PGM3: variants seen among roughly 807,000 people sequenced by gnomAD.
PGM3 encodes the protein phosphoglucomutase 3, also known as phosphoacetylglucosamine mutase.
Under a neutral mutation model 66.2 loss-of-function variants are expected in PGM3, and 40 were observed. The ratio of observed to expected loss-of-function variants is 0.60; its 90% confidence interval spans 0.47 to 0.79. The LOEUF (loss-of-function observed/expected upper bound fraction) is 0.79. Ranked by LOEUF, PGM3 falls within the 30% of genes least tolerant of loss-of-function variation. The pLI is 0.00. For synonymous variants in PGM3, 191 were observed against 224.2 expected (o/e 0.85, Z 1.32); for missense variants, 537 against 643.4 (o/e 0.83, Z 1.79).
intron 6 of PGM3, among the ~76,000 whole-genome samples, 175 bp from the exon 7 acceptor site, chr6:83,180,142 G>A (rs1465667540): frequency 1.3e-5 from 2 of 152,072 alleles, no homozygotes; most frequent in African/African-American, 2.4e-5. Flanking sequence ...TTCTTTCACT[G>A]CAAAGTGAAA....
chr6:83,153,497 TTA>T, the PGM3 span: 44 of 1,557,636 alleles, frequency 2.8e-5, no homozygotes, highest in South Asian at 4.5e-4. Flanking sequence ...TCTTCATTTT[TTA>T]TGTTTTCATA....
chr6:83,156,638 C>G (rs576261490), downstream of PGM3, among the ~76,000 whole-genome samples: 78 of 152,280 alleles, frequency 5.1e-4, no homozygotes, highest in African/African-American at 1.8e-3. Context: ...GGGGATTTAT[C>G]CAGAACAGAA....
At chr6:83,153,693 C>T in the PGM3 span, 1 of 1,277,528 alleles carries the variant, frequency 7.8e-7, no homozygotes, top group Non-Finnish European at 1.1e-6. Flanking sequence ...TCCCTTATTG[C>T]CATTTCTAGA....
chr6:83,170,185 TA>T, intron 12 of PGM3, 119 bp downstream of exon 12: 1 of 894,946 alleles, frequency 1.1e-6, no homozygotes, highest in Non-Finnish European at 1.7e-6. Context: ...AATGTGAACC[TA>T]AAAGGCTCAA....
the PGM3 span, among the ~76,000 whole-genome samples, chr6:83,149,269 T>C: frequency 6.6e-6 from 1 of 152,230 alleles, no homozygotes. Flanking sequence ...TGAAGTTTTC[T>C]GATTTATCTT....
At chr6:83,178,590 A>G in intron 8 of PGM3, 83 bp downstream of exon 8, 1 of 802,612 alleles carries the variant, frequency 1.2e-6, no homozygotes, top group Non-Finnish European at 2.2e-6. Context: ...CTACAACATA[A>G]TCACTTTTAT....
chr6:83,158,123 C>T (rs962114638), downstream of PGM3, among the ~76,000 whole-genome samples: 5 of 152,004 alleles, frequency 3.3e-5, no homozygotes, highest in South Asian at 4.1e-4. Flanking sequence ...CTCAGCCTCC[C>T]GAGTAGCTGG....
At position 83,190,824 on chromosome 6, in the gene PGM3, C is replaced by A; in HGVS notation, c.189G>T (p.Ala63=). The change falls in exon 2 of 13, where the codon GCG becomes GCT. Residue 63 remains alanine, a synonymous_variant. Coordinates refer to ENST00000513973, the MANE Select transcript of PGM3 (RefSeq NM_015599.3). ...TKSTIGVMVT[A]SHNPEEDNGV... ...AACCCATTACCTCAGGATTGTGGGA[C>A]GCTGTTACCATGACTCCTATAGTGG... is the stretch of plus-strand genomic sequence containing the variant. The A allele has an allele frequency of 6.2e-7, 1 of 1,613,512 alleles. No individual in the cohort carries two copies.
the PGM3 span, chr6:83,148,960 C>T: frequency 1.5e-6 from 1 of 672,380 alleles, no homozygotes; most frequent in Non-Finnish European, 2.3e-6. Flanking sequence ...TGACAGTGAT[C>T]TCTCTACCTT....
intron 2 of PGM3, chr6:83,190,517 T>A: frequency 2.7e-6 from 1 of 377,074 alleles, no homozygotes; most frequent in Non-Finnish European, 4.8e-6. Flanking sequence ...AAGGAAACAA[T>A]TTTCAATTAC....
At chr6:83,173,768 G>A (rs986050833) in intron 10 of PGM3, among the ~76,000 whole-genome samples, 37 of 152,048 alleles carry the variant, frequency 2.4e-4, no homozygotes, top group African/African-American at 8.5e-4. Flanking sequence ...ACAGAGTCTC[G>A]CTCTGTCACC....
chr6:83,155,811 C>T, the PGM3 span: 1 of 955,268 alleles, frequency 1.0e-6, no homozygotes, highest in Non-Finnish European at 1.5e-6. Flanking sequence ...AGCCTGTCTG[C>T]CCCAGAGAGG....
intron 4 of PGM3, among the ~76,000 whole-genome samples, chr6:83,183,706 G>C (rs551489664): frequency 2.0e-5 from 3 of 152,040 alleles, no homozygotes; most frequent in Non-Finnish European, 4.4e-5. Context: ...CATAACCACA[G>C]GAGTCCAAAG....
At position 83,171,978 on chromosome 6, in the gene PGM3, C is replaced by T; in HGVS notation, c.1324G>A (p.Ala442Thr). The change falls in exon 11 of 13, where the codon GCT (alanine) becomes ACT (threonine). Residue 442 changes from alanine (A) to threonine (T), a missense_variant. Transcript: ENST00000513973. The stretch of plus-strand genomic sequence containing the variant: ...CTGTTTGGAAGATCTGTATAGAGAG[C>T]ATCCCACTGTTGTACAGTCAAGCCC... ...LKGLTVQQWDALYTDLPNRQL... is the reference protein window; with the variant it reads ...LKGLTVQQWDTLYTDLPNRQL... 6.2e-7 allele frequency: 1 copy of T among 1,613,168 alleles called. No individual in the cohort carries two copies. Among genetic ancestry groups the T allele is most frequent in the Non-Finnish European group, 8.5e-7 (1 of 1,179,122 alleles).
chr6:83,151,821 A>C, the PGM3 span: 38 of 1,510,430 alleles, frequency 2.5e-5, no homozygotes, highest in Middle Eastern at 1.7e-4. Context: ...TATAAACTAC[A>C]GAAGTTCATA....
At chr6:83,162,489 G>C (rs989669484), downstream of PGM3, among the ~76,000 whole-genome samples, 5 of 152,084 alleles carry the variant, frequency 3.3e-5, no homozygotes, top group Admixed American at 2.0e-4. Context: ...TCGCTAATGA[G>C]AAAAGAAACA....
chr6:83,192,955 C>T (rs368556602), intron 1 of PGM3: 111 of 152,436 alleles, frequency 7.3e-4, no homozygotes, highest in African/African-American at 2.2e-3. Context: ...CGCCTAGGTC[C>T]ACGTACCAGA....
downstream of PGM3, among the ~76,000 whole-genome samples, chr6:83,160,340 G>A (rs1783940503): frequency 6.6e-6 from 1 of 152,220 alleles, no homozygotes; most frequent in Non-Finnish European, 1.5e-5. Flanking sequence ...ACCTGAGGTG[G>A]TGAAGAATGA....
Position 83,169,144 on chromosome 6 carries a change from G to C in PGM3, c.*90C>G. The C allele has an allele frequency of 1.9e-6, 3 of 1,554,580 alleles. No individual in the cohort carries two copies. Among genetic ancestry groups the C allele is most frequent in the Non-Finnish European group, 2.6e-6 (3 of 1,149,266 alleles). On this transcript the variant is annotated 3_prime_UTR_variant, in exon 13 of 13. Transcript: ENST00000513973. ...CAGTAGGCTGCATTGTAAACATTAT[G>C]ATTATAAATCTCTTAGTACTGCCAT...
Sources: allele counts gnomAD v4.1 joint callset (sites outside exome capture counted in the v4.1 genomes callset), GRCh38; gene constraint gnomAD v4.1.1; transcripts MANE v1.5; gene names NCBI Gene and HGNC (gene_info 2026-07-23, HGNC 2026-07-21).